The following SEC23B variants were observed in gnomAD, a reference collection of about 807,000 sequenced individuals.
SEC23B encodes SEC23 homolog B, COPII component.
A neutral mutation model predicts 104.3 loss-of-function variants in SEC23B; 77 were observed. The observed-to-expected ratio is 0.74, with a 90% CI of 0.61 to 0.89. SEC23B has a LOEUF of 0.89. SEC23B is among the 40% of genes least tolerant of loss of function. The pLI, the probability that SEC23B is intolerant of heterozygous loss-of-function variation, is 0.00. For synonymous variants in SEC23B, 338 were observed against 332.5 expected (o/e 1.02, Z -0.18); for missense variants, 885 against 949.4 (o/e 0.93, Z 0.89).
At chr20:18,519,265 G>T (rs985229545) in intron 4 of SEC23B, among the ~76,000 whole-genome samples, 1 of 152,288 alleles carries the variant, frequency 6.6e-6, no homozygotes, top group Middle Eastern at 3.4e-3. Flanking sequence ...AATGTGGGAG[G>T]CCGGATTGAA....
rs2060250024 is a variant in SEC23B, at chr20:18,537,772, G to A, written c.1404+2030G>A. On this transcript the variant is annotated intron_variant, in intron 12 of 19. Coordinates refer to ENST00000650089, the MANE Select transcript of SEC23B (RefSeq NM_006363.6). ...AATAAATAAATAAATAAAAAAACCT[G>A]TGTTGCTCAAGGGTCAACTATATTG... Among the ~76,000 whole-genome samples the A allele has an allele frequency of 2.6e-5, 4 of 152,108 alleles. No homozygotes were observed. The South Asian group carries it at 8.3e-4, about 32-fold the overall frequency.
At chr20:18,556,348 G>T (rs1486842254) in intron 19 of SEC23B, among the ~76,000 whole-genome samples, 2 of 152,056 alleles carry the variant, frequency 1.3e-5, no homozygotes, top group Non-Finnish European at 2.9e-5. Flanking sequence ...AGCATTTGTG[G>T]ATTTGGGGAT....
intron 4 of SEC23B, among the ~76,000 whole-genome samples, chr20:18,519,857 A>T (rs1019456609): frequency 6.6e-6 from 1 of 152,196 alleles, no homozygotes; most frequent in Non-Finnish European, 1.5e-5. Flanking sequence ...TTAGTCAGAC[A>T]TGGTCAGCAG....
Position 18,510,821 on chromosome 20 carries a change from GT to G in SEC23B, c.-13del, listed in dbSNP as rs1568595564. 6.2e-7 allele frequency: 1 copy of G among 1,607,214 alleles called. No homozygotes were observed. The highest frequency in any genetic ancestry group is 8.5e-7 in the Non-Finnish European group (1 of 1,173,706). ...TAAGGTAATTAAAGTTTTATCTTCA[GT>G]TCCCTTTTAGACTATGGCGACATAC... On this transcript the variant is annotated splice_region_variant and 5_prime_UTR_variant, in exon 2 of 20. Coordinates refer to ENST00000650089, the MANE Select transcript of SEC23B (RefSeq NM_006363.6).
At chr20:18,553,414 G>A (rs140051996) in intron 17 of SEC23B, among the ~76,000 whole-genome samples, 2 of 152,222 alleles carry the variant, frequency 1.3e-5, no homozygotes, top group African/African-American at 4.8e-5. Context: ...CACACTTGCT[G>A]TAGCCTCTTT....
intron 9 of SEC23B, among the ~76,000 whole-genome samples, chr20:18,527,933 G>T (rs1183637739): frequency 6.6e-6 from 1 of 152,206 alleles, no homozygotes; most frequent in East Asian, 1.9e-4. Flanking sequence ...ACTTCCTTTT[G>T]AGAATTGGGG....
rs11481106 is a variant in SEC23B, at chr20:18,559,077, T to TGGG, written c.2215-1572_2215-1571insGGG. Reference sequence around the variant, plus strand: ...ACACTACTCTGACAGGGAAGGTGGTTGGTGGGGGGGGTGTCGGGGGCACTG... The same window carrying TGGG: ...ACACTACTCTGACAGGGAAGGTGGTTGGGGGTGGGGGGGGTGTCGGGGGCACTG... On this transcript the variant is annotated intron_variant, in intron 19 of 19. Transcript: ENST00000650089. Among the ~76,000 whole-genome samples the TGGG allele has an allele frequency of 1.4e-3, 123 of 90,986 alleles. 1 individual carries two copies. Among genetic ancestry groups the TGGG allele is most frequent in the Non-Finnish European group, 1.9e-3 (90 of 47,362 alleles). The allele number at this position is 90,986 out of a possible 152,430, so 59.7% of individuals were successfully genotyped here.
chr20:18,524,959 G>C lies in SEC23B; in HGVS notation c.628G>C (p.Ala210Pro). Residue 210 changes from alanine (A) to proline (P), a missense_variant, in exon 6 of 20, where the codon GCC becomes CCC. Coordinates refer to ENST00000650089, the MANE Select transcript of SEC23B (RefSeq NM_006363.6). ...GGATATGTTGGGCCTGACCAAGCCA[G>C]CCATGCCCATGCAGCAAGCACGACC... is the stretch of plus-strand genomic sequence containing the variant. ...IQDMLGLTKP[A>P]MPMQQARPAQ... is the part of the protein sequence containing the mutation. 1 of 1,613,846 alleles carries C rather than the reference G, an allele frequency of 6.2e-7. No homozygotes were observed. The highest frequency in any genetic ancestry group is 8.5e-7 in the Non-Finnish European group (1 of 1,179,966).
intron 17 of SEC23B, among the ~76,000 whole-genome samples, chr20:18,553,043 A>G (rs1005665470): frequency 6.6e-6 from 1 of 152,190 alleles, no homozygotes; most frequent in Non-Finnish European, 1.5e-5. Context: ...TGTACTAAGG[A>G]TGAAGCTTTC....
intron 4 of SEC23B, among the ~76,000 whole-genome samples, chr20:18,518,324 G>A (rs1450537665): frequency 6.6e-6 from 1 of 152,186 alleles, no homozygotes; most frequent in East Asian, 1.9e-4. Context: ...CTCAGGGCAT[G>A]TGAGTAAAGT....
At chr20:18,513,488 A>G (rs2059998896) in intron 3 of SEC23B, among the ~76,000 whole-genome samples, 2 of 152,260 alleles carry the variant, frequency 1.3e-5, no homozygotes, top group South Asian at 4.1e-4. Flanking sequence ...ACTATACCTC[A>G]ATAAAGTTGT....
intron 3 of SEC23B, among the ~76,000 whole-genome samples, chr20:18,514,736 G>A (rs185595140): frequency 1.3e-5 from 2 of 152,278 alleles, no homozygotes. Flanking sequence ...TGTATATATG[G>A]GATGTTCTCA....
At chr20:18,527,650 T>A in intron 9 of SEC23B, 39 bp downstream of exon 9, 1 of 1,284,672 alleles carries the variant, frequency 7.8e-7, no homozygotes, top group South Asian at 1.2e-5. Flanking sequence ...GTGACAGTGT[T>A]ATTTTAAGGA....
intron 9 of SEC23B, among the ~76,000 whole-genome samples, chr20:18,530,287 T>G (rs967703877): frequency 1.3e-5 from 2 of 152,132 alleles, no homozygotes; most frequent in Non-Finnish European, 2.9e-5. Flanking sequence ...AGTCTTGCTC[T>G]GTCGCCCAGG....
At chr20:18,534,576 T>G (rs2060211764) in intron 11 of SEC23B, among the ~76,000 whole-genome samples, 1 of 152,248 alleles carries the variant, frequency 6.6e-6, no homozygotes, top group South Asian at 2.1e-4. Flanking sequence ...GCCTTTCTAC[T>G]GTAAGGGAAC....
chr20:18,554,593 C>T (rs188860834), intron 18 of SEC23B, among the ~76,000 whole-genome samples: 1 of 151,846 alleles, frequency 6.6e-6, no homozygotes, highest in Non-Finnish European at 1.5e-5. Flanking sequence ...TTTGGGAGGC[C>T]GAGGCGGGCG....
chr20:18,528,294 C>T (rs865803260), intron 9 of SEC23B, among the ~76,000 whole-genome samples: 1 of 152,198 alleles, frequency 6.6e-6, no homozygotes, highest in African/African-American at 2.4e-5. Flanking sequence ...TTGTTATCAC[C>T]AGGGGAACTT....
intron 3 of SEC23B, among the ~76,000 whole-genome samples, chr20:18,515,385 A>G (rs1344023648): frequency 6.6e-6 from 1 of 151,914 alleles, no homozygotes; most frequent in Non-Finnish European, 1.5e-5. Context: ...ATCATGGCTC[A>G]CTGCAGCCTT....
chr20:18,542,336 A>AGT lies in SEC23B; in HGVS notation c.1446_1447dup (p.Phe483CysfsTer17). ...CCCCAAGGAGGCAGAGGAGCCATCC[A>AGT]GTTTGTCACGCATTATCAGCACTCC... On this transcript the variant is annotated frameshift_variant, in exon 13 of 20. Coordinates refer to ENST00000650089, the MANE Select transcript of SEC23B (RefSeq NM_006363.6). LOFTEE classifies it high-confidence loss of function. 1 of 1,614,224 alleles carries AGT rather than the reference A, an allele frequency of 6.2e-7. No individual in the cohort carries two copies. Among genetic ancestry groups the AGT allele is most frequent in the Non-Finnish European group, 8.5e-7 (1 of 1,180,038 alleles).
Sources: gnomAD v4.1 joint callset for allele counts (sites outside exome capture counted in the v4.1 genomes callset) on GRCh38, gnomAD v4.1.1 for gene constraint, MANE v1.5 for transcripts, NCBI Gene and HGNC (gene_info 2026-07-23, HGNC 2026-07-21) for gene names.